Variants in BRINP3 observed in about 807,000 individuals in gnomAD.
BRINP3 encodes the protein BMP/retinoic acid inducible neural specific 3.
BRINP3 carries 19 observed loss-of-function variants against 71.0 expected under a neutral mutation model. The observed-to-expected ratio is 0.27, with a 90% confidence interval of 0.19 to 0.39. The LOEUF (loss-of-function observed/expected upper bound fraction) is 0.39, where lower values mean the gene tolerates loss of function less well. BRINP3 is among the 10% of genes least tolerant of loss of function. The pLI, the probability that BRINP3 is intolerant of heterozygous loss-of-function variation, is 1.00. For missense variants in BRINP3, 959 were observed against 940.8 expected, an observed-to-expected ratio of 1.02 and a Z score of -0.25; for synonymous variants, 380 against 337.7, an observed-to-expected ratio of 1.13 and a Z score of -1.37.
chr1:190,125,256 C>CATGTCTATAT (rs1329140591), intron 7 of BRINP3, among the ~76,000 whole-genome samples: 50 of 151,658 alleles, frequency 3.3e-4, no homozygotes, highest in Non-Finnish European at 2.1e-4. Flanking sequence ...TAATAGTGAA[C>CATGTCTATAT]ATGTCTATAT....
chr1:190,343,061 A>G (rs886594251), intron 2 of BRINP3, among the ~76,000 whole-genome samples: 2 of 151,798 alleles, frequency 1.3e-5, no homozygotes, highest in African/African-American at 4.8e-5. Context: ...ATCTAGGAAA[A>G]ATATCTACCA....
chr1:190,394,278 G>A (rs1159633282), intron 2 of BRINP3, among the ~76,000 whole-genome samples: 2 of 151,420 alleles, frequency 1.3e-5, no homozygotes, highest in Non-Finnish European at 3.0e-5. Flanking sequence ...TTACTATGGA[G>A]TATTTAATGA....
At chr1:190,327,271 C>T (rs1666645000) in intron 2 of BRINP3, among the ~76,000 whole-genome samples, 1 of 136,680 alleles carries the variant, frequency 7.3e-6, no homozygotes, top group African/African-American at 2.8e-5. Flanking sequence ...GTCAAGATCA[C>T]GCCATTGTAC....
rs548301165 is a variant in BRINP3, at chr1:190,341,884, C to G, written c.237-60134G>C. 2.6e-5 allele frequency among the ~76,000 whole-genome samples: 4 copies of G among 151,934 alleles called. No homozygotes were observed. In the South Asian group the frequency reaches 8.3e-4, roughly 32 times the overall value. ...TAACAAATTATCACAAATTTAGTGG[C>G]TTAAACATTATACAATTATGTTAAA... On this transcript the variant is annotated intron_variant, in intron 2 of 7. Transcript: ENST00000367462.
At chr1:190,161,016 A>T in intron 6 of BRINP3, 126 bp from the exon 7 acceptor site, 1 of 628,390 alleles carries the variant, frequency 1.6e-6, no homozygotes, top group African/African-American at 1.9e-5. Context: ...ACAAATAAAT[A>T]CAGTGCCTCA....
intron 6 of BRINP3, among the ~76,000 whole-genome samples, chr1:190,216,563 T>C (rs1334241088): frequency 6.6e-6 from 1 of 151,878 alleles, no homozygotes; most frequent in Non-Finnish European, 1.5e-5. Context: ...GACACTTTTA[T>C]TTGCAGGCTG....
intron 7 of BRINP3, among the ~76,000 whole-genome samples, chr1:190,104,826 T>A (rs1652006943): frequency 6.6e-6 from 1 of 152,080 alleles, no homozygotes; most frequent in Non-Finnish European, 1.5e-5. Context: ...GTAATAATCT[T>A]ATTTCAAAGG....
At chr1:190,347,165 G>A (rs544482026) in intron 2 of BRINP3, among the ~76,000 whole-genome samples, 77 of 152,022 alleles carry the variant, frequency 5.1e-4, no homozygotes, top group African/African-American at 1.6e-3. Flanking sequence ...TTCTTTAGAC[G>A]GAGTCTTGCT....
chr1:190,412,705 G>T (rs1301751573), intron 2 of BRINP3, among the ~76,000 whole-genome samples: 1 of 151,282 alleles, frequency 6.6e-6, no homozygotes, highest in African/African-American at 2.4e-5. Context: ...CTCGTGATCC[G>T]CCCGCCTCGG....
intron 7 of BRINP3, among the ~76,000 whole-genome samples, chr1:190,104,531 G>T (rs1053392003): frequency 1.3e-5 from 2 of 150,926 alleles, no homozygotes; most frequent in Non-Finnish European, 3.0e-5. Context: ...GGAACATTTC[G>T]TTTTCTCTTC....
chr1:190,385,145 A>G (rs1670803833), intron 2 of BRINP3, among the ~76,000 whole-genome samples: 2 of 152,164 alleles, frequency 1.3e-5, no homozygotes, highest in Admixed American at 6.6e-5. Flanking sequence ...AAACCTAGGC[A>G]TTACCATTCA....
intron 2 of BRINP3, among the ~76,000 whole-genome samples, chr1:190,386,585 A>C (rs1391360901): frequency 6.6e-6 from 1 of 151,974 alleles, no homozygotes; most frequent in East Asian, 1.9e-4. Context: ...TCCATAGACA[A>C]ACTAATTTTG....
At chr1:190,281,113 G>A (rs573099631) in intron 3 of BRINP3, among the ~76,000 whole-genome samples, 6 of 151,212 alleles carry the variant, frequency 4.0e-5, no homozygotes, top group Non-Finnish European at 7.4e-5. Flanking sequence ...CACTTTTTCC[G>A]TACCAGCTAC....
In BRINP3 at chr1:190,098,609, A is replaced by T. The variant is rs1282613812; in HGVS notation, c.1710T>A (p.Ala570=). ...TGCCTCCGAAGGGATTGACATAAAC[A>T]GCCAACACTGGCTCCAAGGTGCTGT... is the stretch of plus-strand genomic sequence containing the variant. ...TKNSTLEPVL[A]VYVNPFGGSH... The change falls in exon 8 of 8, where the codon GCT becomes GCA. Residue 570 remains alanine (A), a synonymous_variant. Coordinates refer to ENST00000367462, the MANE Select transcript of BRINP3 (RefSeq NM_199051.3). 6.2e-6 allele frequency: 10 copies of T among 1,614,214 alleles called. No individual in the cohort carries two copies. Among genetic ancestry groups the T allele is most frequent in the Non-Finnish European group, 8.5e-6 (10 of 1,180,046 alleles).
In BRINP3 at chr1:190,103,771, A is replaced by C. The variant is rs1381252352; in HGVS notation, c.1185-4637T>G. On this transcript the variant is annotated intron_variant, in intron 7 of 7. Transcript: ENST00000367462. Reference sequence around the variant, plus strand: ...GGCTCCGTGGCAACTATGTACAATAAAATTTATAAACTGTAGTAGAAATTT... The same window carrying C: ...GGCTCCGTGGCAACTATGTACAATACAATTTATAAACTGTAGTAGAAATTT... 2.6e-5 allele frequency among the ~76,000 whole-genome samples: 4 copies of C among 152,148 alleles called. No homozygotes were observed. In the East Asian group the frequency reaches 7.7e-4, roughly 29 times the overall value.
chr1:190,409,139 C>T (rs1196296903), intron 2 of BRINP3, among the ~76,000 whole-genome samples: 1 of 152,040 alleles, frequency 6.6e-6, no homozygotes, highest in Non-Finnish European at 1.5e-5. Flanking sequence ...TGGTGGCTCT[C>T]GCCTGTAATC....
intron 4 of BRINP3, among the ~76,000 whole-genome samples, chr1:190,241,031 T>C (rs1172571150): frequency 6.6e-6 from 1 of 151,998 alleles, no homozygotes; most frequent in African/African-American, 2.4e-5. Flanking sequence ...TTATCTCCTT[T>C]AATTAACTAT....
chr1:190,099,410 A>C (rs1169520681), intron 7 of BRINP3, among the ~76,000 whole-genome samples: 1 of 152,126 alleles, frequency 6.6e-6, no homozygotes, highest in East Asian at 1.9e-4. Context: ...TACATTTCTA[A>C]ATATGTGATA....
intron 2 of BRINP3, among the ~76,000 whole-genome samples, chr1:190,356,649 ATG>A (rs1668751994): frequency 2.0e-5 from 3 of 152,044 alleles, no homozygotes; most frequent in South Asian, 4.1e-4. Flanking sequence ...TTTGATGAGA[ATG>A]AGCCTAACCA....
Sources: allele counts gnomAD v4.1 joint callset (sites outside exome capture counted in the v4.1 genomes callset), GRCh38; gene constraint gnomAD v4.1.1; transcripts MANE v1.5; gene names NCBI Gene and HGNC (gene_info 2026-07-23, HGNC 2026-07-21).